The following ATP11C variants were observed in gnomAD, a reference collection of about 807,000 sequenced individuals.
ATP11C encodes phospholipid-transporting ATPase IG.
ATP11C carries 36 observed loss-of-function variants against 97.4 expected under a neutral mutation model. That is an observed-to-expected ratio of 0.37 (90% CI 0.28 to 0.49). The LOEUF (loss-of-function observed/expected upper bound fraction) is 0.49, where lower values mean the gene tolerates loss of function less well. Ranked by LOEUF, ATP11C falls within the 20% of genes least tolerant of loss-of-function variation. The pLI is 0.98. For synonymous variants in ATP11C, 275 were observed against 290.9 expected, an observed-to-expected ratio of 0.95 and a Z score of 0.56; for missense variants, 730 against 824.6, an observed-to-expected ratio of 0.89 and a Z score of 1.40.
intron 5 of ATP11C, among the ~76,000 whole-genome samples, chrX:139,812,162 G>A (rs1423998721): frequency 2.7e-5 from 3 of 111,341 alleles, no homozygotes; most frequent in African/African-American, 6.5e-5. Context: ...TCTTTCCCCC[G>A]ACTCCCCAGC....
At chrX:139,903,486 T>C (rs1603415464) in intron 1 of ATP11C, among the ~76,000 whole-genome samples, 1 of 109,830 alleles carries the variant, frequency 9.1e-6, no homozygotes, top group African/African-American at 3.3e-5. Flanking sequence ...TGGAGGTTCC[T>C]GGAGGGTGGC....
intron 1 of ATP11C, among the ~76,000 whole-genome samples, chrX:139,837,095 T>C (rs1338552749): frequency 3.6e-5 from 4 of 111,421 alleles, no homozygotes; most frequent in Non-Finnish European, 7.5e-5. Context: ...TCAAAACGCA[T>C]GACTTCACAA....
chrX:139,799,390 A>T (rs1203376130), intron 8 of ATP11C, among the ~76,000 whole-genome samples: 3 of 111,279 alleles, frequency 2.7e-5, no homozygotes, highest in Non-Finnish European at 5.7e-5. Flanking sequence ...CCAGCATTTT[A>T]CCCACTGCTT....
intron 1 of ATP11C, among the ~76,000 whole-genome samples, chrX:139,925,280 A>G (rs2085332800): frequency 8.9e-6 from 1 of 111,962 alleles, no homozygotes; most frequent in African/African-American, 3.2e-5. Flanking sequence ...ATTTATAGTA[A>G]GCATACAGGA....
chrX:139,732,163 G>C (rs1274994112), intron 28 of ATP11C, among the ~76,000 whole-genome samples: 1 of 110,701 alleles, frequency 9.0e-6, no homozygotes, highest in Non-Finnish European at 1.9e-5. Flanking sequence ...TTCCTGTCCT[G>C]GTGAACAGAC....
At position 139,791,269 on chromosome X, in the gene ATP11C, G is replaced by A. The variant is rs190279938; in HGVS notation, c.1207-1781C>T. ...CTTCCAGTTTAAATGAAATTCTTTGGGGCTTTTTTCTGATCAAAATTATTA... is the reference window on the plus strand; with the variant it reads ...CTTCCAGTTTAAATGAAATTCTTTGAGGCTTTTTTCTGATCAAAATTATTA... On this transcript the variant is annotated intron_variant, in intron 12 of 29. Coordinates refer to ENST00000682941, the MANE Select transcript of ATP11C (RefSeq NM_001353812.2). 3.6e-5 allele frequency among the ~76,000 whole-genome samples: 4 copies of A among 110,706 alleles called. No individual in the cohort carries two copies. The East Asian group carries it at 1.1e-3, about 31-fold the overall frequency.
At chrX:139,872,284 T>G (rs376400428) in intron 1 of ATP11C, among the ~76,000 whole-genome samples, 82 of 12,004 alleles carry the variant, frequency 6.8e-3, no homozygotes, top group Non-Finnish European at 0.014. Context: ...AATAAAAATG[T>G]GGGGGGGGGG....
At chrX:139,815,288 T>G (rs1457392927) in intron 4 of ATP11C, among the ~76,000 whole-genome samples, 1 of 112,382 alleles carries the variant, frequency 8.9e-6, no homozygotes, top group Non-Finnish European at 1.9e-5. Flanking sequence ...TTATTTTAAC[T>G]GTACTCTTGA....
At chrX:139,766,586 CTGTG>C (rs750104413) in intron 20 of ATP11C, among the ~76,000 whole-genome samples, 3 of 109,334 alleles carry the variant, frequency 2.7e-5, no homozygotes, top group Non-Finnish European at 3.8e-5. Context: ...ATGATGGGCG[CTGTG>C]TGTGTGTGTG....
upstream of ATP11C, among the ~76,000 whole-genome samples, chrX:139,935,377 G>A (rs958547242): frequency 1.8e-5 from 2 of 111,455 alleles, no homozygotes; most frequent in Non-Finnish European, 3.8e-5. Flanking sequence ...ACCAGCCTGG[G>A]CAACATGGTG....
intron 13 of ATP11C, 43 bp from the exon 14 acceptor site, chrX:139,788,386 A>T: frequency 9.0e-7 from 1 of 1,110,137 alleles, no homozygotes; most frequent in Non-Finnish European, 1.2e-6. Context: ...TTTTAATTTG[A>T]TCACCCGGTA....
In ATP11C at chrX:139,761,219, C is replaced by A. The variant is rs748770998; in HGVS notation, c.2640+742G>T. On this transcript the variant is annotated intron_variant, in intron 22 of 29. Transcript: ENST00000682941. Reference sequence around the variant, plus strand: ...CCAGGAGGCAGAGGCTACAGTGAGCCGAGATCGCGCCACTGCACTCCAGCC... The same window carrying A: ...CCAGGAGGCAGAGGCTACAGTGAGCAGAGATCGCGCCACTGCACTCCAGCC... 2.1e-3 allele frequency among the ~76,000 whole-genome samples: 231 copies of A among 110,969 alleles called. 1 individual carries two copies. The highest frequency in any genetic ancestry group is 9.1e-3 in the Middle Eastern group (2 of 219).
At chrX:139,845,169 G>T (rs1603399425) in intron 1 of ATP11C, among the ~76,000 whole-genome samples, 1 of 110,742 alleles carries the variant, frequency 9.0e-6, no homozygotes, top group Non-Finnish European at 1.9e-5. Context: ...TCTTTAGGGG[G>T]TTCATAGCCT....
At position 139,731,736 on chromosome X, in the gene ATP11C, CT is replaced by C. The variant is rs750314003; in HGVS notation, c.3307del (p.Arg1103GlyfsTer78). 1 of 1,183,972 alleles carries C rather than the reference CT, an allele frequency of 8.4e-7. No homozygotes were observed. Among genetic ancestry groups the C allele is most frequent in the African/African-American group, 1.8e-5 (1 of 56,429 alleles). ...RSARRNLSCR[R>X]ASDSLSARPS... ...TCTGGCGGATAATGAGTCAGATGCC[CT>C]TCTACAGCTCAGATTTCTCTGTAAT... On this transcript the variant is annotated frameshift_variant, in exon 29 of 30. Transcript: ENST00000682941. LOFTEE classifies it high-confidence loss of function.
intron 1 of ATP11C, among the ~76,000 whole-genome samples, chrX:139,912,194 A>C (rs1484123248): frequency 2.8e-5 from 3 of 108,755 alleles, no homozygotes; most frequent in African/African-American, 1.0e-4. Context: ...AAAAAAAAAA[A>C]ACTTAGCAAT....
chrX:139,865,444 A>G (rs772902200), intron 1 of ATP11C, among the ~76,000 whole-genome samples: 2 of 112,179 alleles, frequency 1.8e-5, no homozygotes, highest in Non-Finnish European at 3.8e-5. Flanking sequence ...ATTAATTATC[A>G]AAAATCCAAA....
intron 8 of ATP11C, among the ~76,000 whole-genome samples, chrX:139,799,794 A>G (rs750082267): frequency 1.9e-5 from 2 of 107,897 alleles, no homozygotes; most frequent in East Asian, 5.8e-4. Flanking sequence ...TTGGGATTAC[A>G]GATGTGTGCC....
At chrX:139,784,827 C>T (rs146112110) in intron 16 of ATP11C, among the ~76,000 whole-genome samples, 297 of 111,424 alleles carry the variant, frequency 2.7e-3, no homozygotes, top group African/African-American at 9.1e-3. Context: ...GGATAACAAG[C>T]AACTCCCTAT....
At chrX:139,853,372 AAG>A (rs1045725224) in intron 1 of ATP11C, among the ~76,000 whole-genome samples, 6 of 108,922 alleles carry the variant, frequency 5.5e-5, no homozygotes, top group East Asian at 5.8e-4. Flanking sequence ...GAGGGGAAGA[AAG>A]AGAGGGGGAA....
Sources: allele counts gnomAD v4.1 joint callset (sites outside exome capture counted in the v4.1 genomes callset), GRCh38; gene constraint gnomAD v4.1.1; transcripts MANE v1.5; gene names NCBI Gene and HGNC (gene_info 2026-07-23, HGNC 2026-07-21).